Variants in SLC2A14 observed in about 807,000 individuals in gnomAD.
SLC2A14 encodes the protein solute carrier family 2 member 14.
Under a neutral mutation model 43.0 loss-of-function variants are expected in SLC2A14, and 13 were observed. That is an observed-to-expected ratio of 0.30 (90% CI 0.20 to 0.48). The LOEUF is 0.48. Ranked by LOEUF, SLC2A14 falls within the 20% of genes least tolerant of loss-of-function variation. SLC2A14 has a pLI of 0.99. For synonymous variants in SLC2A14, 190 were observed against 233.8 expected (o/e 0.81, Z 1.71); for missense variants, 428 against 620.4 (o/e 0.69, Z 3.29).
chr12:7,825,457 C>G (rs779661752), intron 7 of SLC2A14, among the ~76,000 whole-genome samples: 437 of 16,742 alleles, frequency 0.026, 7 homozygotes, highest in African/African-American at 0.054. Flanking sequence ...AAGACTACCT[C>G]TCAAAAAAAA....
intron 2 of SLC2A14, among the ~76,000 whole-genome samples, chr12:7,862,264 CAAAAAAAAAA>C (rs71038792): frequency 3.9e-4 from 23 of 58,922 alleles, no homozygotes; most frequent in African/African-American, 1.3e-3. Context: ...ACTTGTCTCT[CAAAAAAAAAA>C]AAAAAAAAAA....
chr12:7,890,488 T>C, intron 1 of SLC2A14, among the ~76,000 whole-genome samples: 1 of 150,966 alleles, frequency 6.6e-6, no homozygotes, highest in Non-Finnish European at 1.5e-5. Flanking sequence ...CTTTTTTCAG[T>C]ACTTATCACA....
chr12:7,842,791 C>T (rs1022811699), intron 2 of SLC2A14, among the ~76,000 whole-genome samples: 16 of 150,214 alleles, frequency 1.1e-4, no homozygotes, highest in East Asian at 2.0e-4. Flanking sequence ...TGCAATGGTG[C>T]GATCTCGGCT....
At chr12:7,888,250 G>A (rs1945718564) in intron 1 of SLC2A14, among the ~76,000 whole-genome samples, 1 of 151,966 alleles carries the variant, frequency 6.6e-6, no homozygotes, top group African/African-American at 2.4e-5. Flanking sequence ...CTACCCTTTT[G>A]GCAAGAGAAA....
chr12:7,820,944 G>T (rs1863860525), intron 8 of SLC2A14, among the ~76,000 whole-genome samples: 1 of 151,830 alleles, frequency 6.6e-6, no homozygotes, highest in African/African-American at 2.4e-5. Flanking sequence ...AAAATGAGTT[G>T]GGCGTGGTGG....
upstream of SLC2A14, chr12:7,873,447 G>C (rs1252647010): frequency 1.5e-5 from 11 of 757,038 alleles, no homozygotes; most frequent in Admixed American, 4.4e-4. Flanking sequence ...TTCGAGACCA[G>C]CCTGGCCAAC....
chr12:7,855,165 C>T (rs776036089), intron 2 of SLC2A14, among the ~76,000 whole-genome samples: 9 of 152,226 alleles, frequency 5.9e-5, no homozygotes, highest in African/African-American at 2.2e-4. Context: ...GTCCAGTCTT[C>T]ATCACTTCCC....
intron 7 of SLC2A14, 104 bp from the exon 8 acceptor site, chr12:7,821,429 T>A (rs764952657): frequency 4.8e-5 from 47 of 986,650 alleles, no homozygotes; most frequent in Non-Finnish European, 7.2e-5. Context: ...AGGCCTGTAA[T>A]CCCAGCACTT....
intron 2 of SLC2A14, among the ~76,000 whole-genome samples, chr12:7,833,869 G>A (rs1167286764): frequency 1.3e-5 from 2 of 151,964 alleles, no homozygotes; most frequent in Non-Finnish European, 2.9e-5. Flanking sequence ...AGCTGGGCAA[G>A]TGGATATTAT....
chr12:7,840,371 G>T (rs1865851349), intron 2 of SLC2A14, among the ~76,000 whole-genome samples: 2 of 151,462 alleles, frequency 1.3e-5, no homozygotes, highest in Non-Finnish European at 2.9e-5. Context: ...ACTCAGTTTT[G>T]TTTTTGTTTT....
upstream of SLC2A14, chr12:7,872,989 G>A (rs1945324717): frequency 1.3e-5 from 13 of 985,400 alleles, no homozygotes; most frequent in Middle Eastern, 5.2e-4. Context: ...GGTTCATCGG[G>A]AGCCCTCCGT....
chr12:7,878,943 C>T (rs1038384810), intron 1 of SLC2A14, among the ~76,000 whole-genome samples: 2 of 137,474 alleles, frequency 1.5e-5, no homozygotes, highest in African/African-American at 5.4e-5. Flanking sequence ...TGCCACTGCA[C>T]TCCAGCCTGG....
intron 1 of SLC2A14, among the ~76,000 whole-genome samples, chr12:7,887,148 G>A (rs7960196): frequency 0.3 from 45,675 of 151,492 alleles, 7,162 homozygotes; most frequent in Non-Finnish European, 0.36. Flanking sequence ...CTGACCTCTG[G>A]TGATCCACCA....
upstream of SLC2A14, among the ~76,000 whole-genome samples, chr12:7,874,704 AT>A (rs1945383333): frequency 7.0e-6 from 1 of 143,512 alleles, no homozygotes; most frequent in African/African-American, 2.5e-5. Context: ...ATAAATATAT[AT>A]AAATATGTAT....
At chr12:7,873,131 G>A (rs1057475554), upstream of SLC2A14, 7 of 985,438 alleles carry the variant, frequency 7.1e-6, no homozygotes, top group South Asian at 3.3e-4. Flanking sequence ...CCCTCCGAGC[G>A]CCCCCTCAGG....
intron 2 of SLC2A14, among the ~76,000 whole-genome samples, chr12:7,847,973 C>T (rs1866597735): frequency 6.6e-6 from 1 of 151,930 alleles, no homozygotes; most frequent in Non-Finnish European, 1.5e-5. Context: ...GGAACCAAGG[C>T]AACAGACACG....
At chr12:7,852,974 C>T (rs1356180305) in intron 2 of SLC2A14, among the ~76,000 whole-genome samples, 3 of 152,108 alleles carry the variant, frequency 2.0e-5, no homozygotes, top group African/African-American at 7.2e-5. Flanking sequence ...GAAGCACATA[C>T]TCTCTCTCTC....
intron 2 of SLC2A14, among the ~76,000 whole-genome samples, chr12:7,862,471 C>T (rs1289323798): frequency 1.3e-5 from 2 of 152,068 alleles, no homozygotes; most frequent in East Asian, 1.9e-4. Flanking sequence ...CCTTCCCACC[C>T]CCTCTGTGGC....
intron 2 of SLC2A14, among the ~76,000 whole-genome samples, chr12:7,859,887 C>A (rs187480488): frequency 1.3e-4 from 20 of 152,172 alleles, no homozygotes; most frequent in African/African-American, 4.6e-4. Flanking sequence ...AGAAGGGGAT[C>A]ATGGGAAACG....
Sources: allele counts gnomAD v4.1 joint callset (sites outside exome capture counted in the v4.1 genomes callset), GRCh38; gene constraint gnomAD v4.1.1; transcripts MANE v1.5; gene names NCBI Gene and HGNC (gene_info 2026-07-23, HGNC 2026-07-21).